IL1RAPL2: variants seen among roughly 807,000 people sequenced by gnomAD.
IL1RAPL2 encodes the protein interleukin 1 receptor accessory protein like 2, also known as X-linked interleukin-1 receptor accessory protein-like 2.
Under a neutral mutation model 44.1 loss-of-function variants are expected in IL1RAPL2, and 3 were observed. That is an observed-to-expected ratio of 0.07 (90% CI 0.03 to 0.18). The LOEUF is 0.18. Ranked by LOEUF, IL1RAPL2 falls within the 10% of genes least tolerant of loss-of-function variation. The pLI is 1.00. For missense variants in IL1RAPL2, 391 were observed against 496.4 expected (o/e 0.79, Z 2.02); for synonymous variants, 181 against 178.8 (o/e 1.01, Z -0.10).
At chrX:105,644,028 A>G (rs763144732) in intron 6 of IL1RAPL2, among the ~76,000 whole-genome samples, 9 of 110,868 alleles carry the variant, frequency 8.1e-5, no homozygotes, top group Admixed American at 1.9e-4. Flanking sequence ...AGTAGCTGGG[A>G]CTACAGGGGC....
At chrX:105,274,047 A>C (rs2034467279) in intron 5 of IL1RAPL2, among the ~76,000 whole-genome samples, 1 of 112,029 alleles carries the variant, frequency 8.9e-6, no homozygotes, top group Non-Finnish European at 1.9e-5. Context: ...GCATGATTTC[A>C]CTCACCAAAT....
At chrX:104,571,555 A>T (rs142402951) in intron 1 of IL1RAPL2, among the ~76,000 whole-genome samples, 65 of 111,461 alleles carry the variant, frequency 5.8e-4, no homozygotes, top group African/African-American at 2.1e-3. Flanking sequence ...TATAAATGGG[A>T]ATTCTCCTGA....
At chrX:105,761,178 CAA>C (rs1206941648) in intron 10 of IL1RAPL2, among the ~76,000 whole-genome samples, 1 of 35,334 alleles carries the variant, frequency 2.8e-5, no homozygotes, top group Non-Finnish European at 5.1e-5. Flanking sequence ...GACTCCGTCT[CAA>C]AAAAAAAAAA....
chrX:104,878,215 T>A (rs2147656500), intron 2 of IL1RAPL2, among the ~76,000 whole-genome samples: 1 of 111,963 alleles, frequency 8.9e-6, no homozygotes, highest in South Asian at 3.7e-4. Flanking sequence ...GTCATAATGA[T>A]CTTCCCTTTG....
intron 6 of IL1RAPL2, among the ~76,000 whole-genome samples, chrX:105,591,501 G>A (rs977176914): frequency 5.4e-5 from 6 of 110,874 alleles, no homozygotes; most frequent in Middle Eastern, 4.7e-3. Context: ...TCCTGCTGGT[G>A]TGATACTGGT....
In IL1RAPL2 at chrX:104,992,648, A is replaced by G. The variant is rs12838188; in HGVS notation, c.83-202827A>G. On this transcript the variant is annotated intron_variant, in intron 2 of 10. Coordinates refer to ENST00000372582, the MANE Select transcript of IL1RAPL2 (RefSeq NM_017416.2). ...AGGTGGAATCCTGACTTTTCTCATC[A>G]CCAGCAATGTTATTAGGGAAAAGCA... 1.4e-4 allele frequency among the ~76,000 whole-genome samples: 16 copies of G among 110,873 alleles called. No individual in the cohort carries two copies. The Admixed American group carries it at 1.5e-3, about 11-fold the overall frequency.
chrX:104,696,748 A>G (rs1052085146), intron 2 of IL1RAPL2, among the ~76,000 whole-genome samples: 1 of 111,937 alleles, frequency 8.9e-6, no homozygotes, highest in Non-Finnish European at 1.9e-5. Context: ...TAACTTCATC[A>G]CATAAGAGTT....
chrX:104,873,558 C>T (rs1461155655), intron 2 of IL1RAPL2, among the ~76,000 whole-genome samples: 2 of 111,466 alleles, frequency 1.8e-5, no homozygotes, highest in East Asian at 5.6e-4. Flanking sequence ...ATGTTTTCTT[C>T]ACTAACAGGG....
At chrX:105,233,038 C>T (rs1303330458) in intron 3 of IL1RAPL2, among the ~76,000 whole-genome samples, 1 of 112,185 alleles carries the variant, frequency 8.9e-6, no homozygotes, top group Non-Finnish European at 1.9e-5. Context: ...CCTGTAATCA[C>T]TTTGGGAGGC....
intron 2 of IL1RAPL2, among the ~76,000 whole-genome samples, chrX:104,810,322 A>G (rs1932965435): frequency 9.0e-6 from 1 of 110,912 alleles, no homozygotes; most frequent in Non-Finnish European, 1.9e-5. Flanking sequence ...CTAAATGACA[A>G]GTTAATGGGT....
chrX:105,360,247 C>CA (rs778363734), intron 5 of IL1RAPL2, among the ~76,000 whole-genome samples: 45 of 110,993 alleles, frequency 4.1e-4, no homozygotes, highest in African/African-American at 1.3e-3. Context: ...GCAGTGAACT[C>CA]AAAAAAATGG....
chrX:105,029,998 G>A lies in IL1RAPL2; in HGVS notation c.83-165477G>A, dbSNP rs1214087051. Reference sequence around the variant, plus strand: ...GGTTTTGATTTGCATTTCTCTGATGGTCAGTGATGATGAGCATTTTTTCAT... The same window carrying A: ...GGTTTTGATTTGCATTTCTCTGATGATCAGTGATGATGAGCATTTTTTCAT... On this transcript the variant is annotated intron_variant, in intron 2 of 10. Transcript: ENST00000372582. Among the ~76,000 whole-genome samples, 42 of 112,007 alleles carry A rather than the reference G, an allele frequency of 3.7e-4. No homozygotes were observed. The Admixed American group carries it at 4.0e-3, about 11-fold the overall frequency.
intron 2 of IL1RAPL2, among the ~76,000 whole-genome samples, chrX:105,099,225 G>T (rs765836852): frequency 9.0e-6 from 1 of 111,256 alleles, no homozygotes; most frequent in Non-Finnish European, 1.9e-5. Context: ...GTTCCCCATT[G>T]TATCAGTCTG....
At chrX:105,063,020 C>T (rs757397471) in intron 2 of IL1RAPL2, among the ~76,000 whole-genome samples, 28 of 111,293 alleles carry the variant, frequency 2.5e-4, no homozygotes, top group South Asian at 7.6e-4. Context: ...GAATAAACTT[C>T]GTAGCCCTAT....
At chrX:105,030,794 C>A (rs976750067) in intron 2 of IL1RAPL2, among the ~76,000 whole-genome samples, 1 of 111,690 alleles carries the variant, frequency 9.0e-6, no homozygotes, top group Non-Finnish European at 1.9e-5. Flanking sequence ...TCATTGGTAG[C>A]TTGATAGGGA....
intron 6 of IL1RAPL2, among the ~76,000 whole-genome samples, chrX:105,715,973 A>G (rs941977697): frequency 1.8e-5 from 2 of 111,882 alleles, no homozygotes; most frequent in Non-Finnish European, 1.9e-5. Context: ...GTTCCAAACC[A>G]GTGAAACTTG....
chrX:105,447,352 T>C (rs1236200105), intron 5 of IL1RAPL2, among the ~76,000 whole-genome samples: 29 of 65,143 alleles, frequency 4.5e-4, no homozygotes, highest in African/African-American at 1.6e-3. Context: ...TATATAAATA[T>C]ATAAATATAT....
intron 1 of IL1RAPL2, among the ~76,000 whole-genome samples, chrX:104,573,990 T>TA (rs755723946): frequency 9.0e-5 from 10 of 111,263 alleles, no homozygotes; most frequent in East Asian, 5.6e-4. Flanking sequence ...GATTTAAATG[T>TA]AAAAAAAACT....
chrX:104,837,578 GT>G (rs2147632846), intron 2 of IL1RAPL2, among the ~76,000 whole-genome samples: 1 of 111,554 alleles, frequency 9.0e-6, no homozygotes, highest in East Asian at 2.8e-4. Flanking sequence ...GGGGTTGTTT[GT>G]TTTTTTCTTG....
Sources: gnomAD v4.1 joint callset for allele counts (sites outside exome capture counted in the v4.1 genomes callset) on GRCh38, gnomAD v4.1.1 for gene constraint, MANE v1.5 for transcripts, NCBI Gene and HGNC (gene_info 2026-07-23, HGNC 2026-07-21) for gene names.